KIAA0586: variants seen among roughly 807,000 people sequenced by gnomAD.
KIAA0586 encodes the protein KIAA0586.
Under a neutral mutation model 169.8 loss-of-function variants are expected in KIAA0586, and 144 were observed. That is an observed-to-expected ratio of 0.85 (90% CI 0.74 to 0.97). KIAA0586 has a LOEUF of 0.97. Among genes scored for constraint, KIAA0586 ranks in the 50% least tolerant of loss-of-function variants. KIAA0586 has a pLI of 0.00. For missense variants in KIAA0586, 1,854 were observed against 1,823.0 expected (o/e 1.02, Z -0.31); for synonymous variants, 625 against 612.4 (o/e 1.02, Z -0.30).
intron 8 of KIAA0586, among the ~76,000 whole-genome samples, chr14:58,452,480 C>T (rs1439911051): frequency 6.6e-6 from 1 of 152,106 alleles, no homozygotes; most frequent in Non-Finnish European, 1.5e-5. Context: ...CAACCTCACA[C>T]CAAAAATTAT....
At chr14:58,547,537 C>CATCAGTAT (rs1257405249) in intron 30 of KIAA0586, among the ~76,000 whole-genome samples, 1 of 152,068 alleles carries the variant, frequency 6.6e-6, no homozygotes, top group Non-Finnish European at 1.5e-5. Flanking sequence ...TCATCTGTAT[C>CATCAGTAT]ACAACTTTTA....
chr14:58,528,109 G>T (rs981499028), intron 29 of KIAA0586, among the ~76,000 whole-genome samples: 8 of 152,116 alleles, frequency 5.3e-5, no homozygotes, highest in South Asian at 2.1e-4. Context: ...GACAAAGAAG[G>T]TTATTACGTA....
intron 27 of KIAA0586, among the ~76,000 whole-genome samples, chr14:58,500,121 T>G (rs757932898): frequency 1.4e-4 from 22 of 152,226 alleles, no homozygotes; most frequent in Non-Finnish European, 2.9e-5. Flanking sequence ...CATTGTTATA[T>G]TCTGTGGTCA....
chr14:58,506,896 C>T lies in KIAA0586; in HGVS notation c.4169-1659C>T, dbSNP rs1353747415. Among the ~76,000 whole-genome samples the T allele has an allele frequency of 2.0e-3, 12 of 5,888 alleles. No homozygotes were observed. In the Admixed American group the frequency reaches 0.047, roughly 23 times the overall value. The allele number at this position is 5,888 out of a possible 152,430, so 3.9% of individuals were successfully genotyped here. A position where few individuals can be genotyped will look rare whatever the true frequency, so the allele number is the denominator to read the frequency against. ...GTGCAGTGGCTCATGCCTGTAATCC[C>T]AGCACTTTGGGAGGCTGAGGCAGGA... On this transcript the variant is annotated intron_variant, in intron 27 of 30. Coordinates refer to ENST00000652326, the MANE Select transcript of KIAA0586 (RefSeq NM_001329943.3).
chr14:58,488,127 C>T lies in KIAA0586; in HGVS notation c.3527+18C>T, dbSNP rs368344403. ...AGAGCTATGTAAATGAGAACATACT[C>T]ACTAGTAACTGTACATTTCAACTTA... is the stretch of plus-strand genomic sequence containing the variant. On this transcript the variant is annotated intron_variant, in intron 23 of 30. Coordinates refer to ENST00000652326, the MANE Select transcript of KIAA0586 (RefSeq NM_001329943.3). 5.3e-6 allele frequency: 8 copies of T among 1,506,590 alleles called. No homozygotes were observed. The African/African-American group carries it at 1.1e-4, about 21-fold the overall frequency. 93.3% of individuals were successfully genotyped at this position (1,506,590 alleles called of 1,614,324 possible).
intron 20 of KIAA0586, among the ~76,000 whole-genome samples, chr14:58,478,394 A>C (rs1032651175): frequency 2.0e-5 from 3 of 152,138 alleles, no homozygotes; most frequent in Admixed American, 6.5e-5. Flanking sequence ...GAGACAGGAG[A>C]ATTGCTTGAA....
chr14:58,490,251 A>G lies in KIAA0586; in HGVS notation c.3858+11A>G. ...GATGCCGTTGAAATGGTAAGTAACG[A>G]TTGACTCCAACACTGAATTCTGACA... On this transcript the variant is annotated intron_variant, in intron 25 of 30. Transcript: ENST00000652326. The G allele has an allele frequency of 6.9e-7, 1 of 1,443,874 alleles. No individual in the cohort carries two copies. The highest frequency in any genetic ancestry group is 9.4e-7 in the Non-Finnish European group (1 of 1,061,896). The allele number at this position is 1,443,874 out of a possible 1,614,324, so 89.4% of individuals were successfully genotyped here. A position where few individuals can be genotyped will look rare whatever the true frequency, so the allele number is the denominator to read the frequency against.
chr14:58,464,921 T>C lies in KIAA0586; in HGVS notation c.2060-914T>C, dbSNP rs566104482. ...AGAACAGCGTACATTGTAAAACTTA[T>C]GACAGCCGGGCATGGTGGCATGCGT... On this transcript the variant is annotated intron_variant, in intron 14 of 30. Transcript: ENST00000652326. 7.9e-5 allele frequency among the ~76,000 whole-genome samples: 12 copies of C among 152,176 alleles called. No individual in the cohort carries two copies. In the East Asian group the frequency reaches 1.2e-3, roughly 15 times the overall value.
At position 58,448,511 on chromosome 14, in the gene KIAA0586, T is replaced by C; in HGVS notation, c.961+18T>C. ...CAAACAAGGTAAAAATATGTAGTTC[T>C]CTATGAATAAAAAATGTCAGCTGTG... On this transcript the variant is annotated intron_variant, in intron 7 of 30. Transcript: ENST00000652326. 1.9e-6 allele frequency: 3 copies of C among 1,547,822 alleles called. No homozygotes were observed. The highest frequency in any genetic ancestry group is 2.6e-6 in the Non-Finnish European group (3 of 1,135,880).
intron 26 of KIAA0586, among the ~76,000 whole-genome samples, chr14:58,496,299 T>C (rs1213492203): frequency 6.6e-6 from 1 of 152,172 alleles, no homozygotes; most frequent in Non-Finnish European, 1.5e-5. Flanking sequence ...ATGAGACCAT[T>C]TTGTAAATAG....
At chr14:58,450,374 C>T (rs1245626692) in intron 7 of KIAA0586, among the ~76,000 whole-genome samples, 1 of 151,976 alleles carries the variant, frequency 6.6e-6, no homozygotes, top group East Asian at 1.9e-4. Context: ...CATATAGATT[C>T]GTATTTACTA....
intron 29 of KIAA0586, among the ~76,000 whole-genome samples, chr14:58,523,839 C>T (rs1426459102): frequency 6.6e-6 from 1 of 151,860 alleles, no homozygotes; most frequent in Non-Finnish European, 1.5e-5. Context: ...GCTGGGATTA[C>T]AGGCATGAGC....
At chr14:58,438,767 G>A (rs2038043110) in intron 4 of KIAA0586, among the ~76,000 whole-genome samples, 1 of 152,178 alleles carries the variant, frequency 6.6e-6, no homozygotes, top group Admixed American at 6.5e-5. Flanking sequence ...TAAAGGAGGA[G>A]AAGGATGTAA....
intron 10 of KIAA0586, among the ~76,000 whole-genome samples, chr14:58,457,021 T>TAGCC (rs1470590592): frequency 6.6e-6 from 1 of 152,198 alleles, no homozygotes; most frequent in Non-Finnish European, 1.5e-5. Flanking sequence ...CTGAGCCATA[T>TAGCC]AGCCACCTCT....
intron 29 of KIAA0586, among the ~76,000 whole-genome samples, chr14:58,526,406 C>A (rs1218554833): frequency 2.0e-5 from 3 of 152,144 alleles, no homozygotes; most frequent in African/African-American, 7.2e-5. Flanking sequence ...GCTGGTAATA[C>A]CCAAGCAAAC....
Position 58,505,093 on chromosome 14 carries a change from T to C in KIAA0586, c.4169-3462T>C, listed in dbSNP as rs538378454. ...TGTATGCCTTATCCCAAGTAACCCA[T>C]GTTAAGATTCTGGCATATAACCTTC... On this transcript the variant is annotated intron_variant, in intron 27 of 30. Transcript: ENST00000652326. Among the ~76,000 whole-genome samples, 4 of 152,312 alleles carry C rather than the reference T, an allele frequency of 2.6e-5. No homozygotes were observed. In the East Asian group the frequency reaches 7.7e-4, roughly 29 times the overall value.
chr14:58,545,530 T>C (rs989965435), intron 30 of KIAA0586, among the ~76,000 whole-genome samples: 1 of 152,176 alleles, frequency 6.6e-6, no homozygotes, highest in African/African-American at 2.4e-5. Flanking sequence ...GAAGGTAACA[T>C]TAAGTTGTTT....
intron 16 of KIAA0586, among the ~76,000 whole-genome samples, chr14:58,469,721 C>T (rs1453687490): frequency 6.6e-6 from 1 of 151,956 alleles, no homozygotes; most frequent in East Asian, 1.9e-4. Flanking sequence ...AACACAGATC[C>T]AAGTCTAGAA....
intron 29 of KIAA0586, chr14:58,537,047 T>C: frequency 7.9e-7 from 1 of 1,269,540 alleles, no homozygotes; most frequent in Non-Finnish European, 1.0e-6. Context: ...ACTGACAAAC[T>C]TGAGAAGCAG....
Sources: allele counts gnomAD v4.1 joint callset (sites outside exome capture counted in the v4.1 genomes callset), GRCh38; gene constraint gnomAD v4.1.1; transcripts MANE v1.5; gene names NCBI Gene and HGNC (gene_info 2026-07-23, HGNC 2026-07-21).